The following N4BP1 variants were observed in gnomAD, a reference collection of about 807,000 sequenced individuals.
The protein encoded by N4BP1 is NEDD4-binding protein 1.
In N4BP1, 21 loss-of-function variants were observed where a neutral mutation model predicts 70.9. That is an observed-to-expected ratio of 0.30 (90% CI 0.21 to 0.43). The LOEUF (loss-of-function observed/expected upper bound fraction) is 0.43, where lower values mean the gene tolerates loss of function less well. N4BP1 is among the 20% of genes least tolerant of loss of function. The pLI is 1.00. For missense variants in N4BP1, 936 were observed against 1,069.4 expected, an observed-to-expected ratio of 0.88 and a Z score of 1.74; for synonymous variants, 387 against 394.6, an observed-to-expected ratio of 0.98 and a Z score of 0.23.
chr16:48,567,865 G>C (rs949183220), intron 1 of N4BP1, among the ~76,000 whole-genome samples: 1 of 152,096 alleles, frequency 6.6e-6, no homozygotes, highest in African/African-American at 2.4e-5. Flanking sequence ...AGCTTGTCTG[G>C]AGAATGCCTT....
intron 1 of N4BP1, chr16:48,587,417 T>C (rs898265217): frequency 7.9e-5 from 12 of 152,328 alleles, no homozygotes; most frequent in Middle Eastern, 3.4e-3. Context: ...ATATGAAATA[T>C]AGTTGATTTT....
chr16:48,585,728 C>T (rs1597107234), intron 1 of N4BP1, among the ~76,000 whole-genome samples: 1 of 151,552 alleles, frequency 6.6e-6, no homozygotes, highest in South Asian at 2.1e-4. Context: ...CAAAGTCTCA[C>T]CCTGTTGCCC....
chr16:48,542,872 C>T lies in N4BP1; in HGVS notation c.*32G>A. 6.5e-7 allele frequency: 1 copy of T among 1,545,696 alleles called. No homozygotes were observed. Among genetic ancestry groups the T allele is most frequent in the Admixed American group, 1.7e-5 (1 of 57,362 alleles). Reference sequence around the variant, plus strand: ...GTGAGCTTGAGTTTGATCAGCCAGCCCTGAGCGCAAGCTCAGCGCTCAGCA... The same window carrying T: ...GTGAGCTTGAGTTTGATCAGCCAGCTCTGAGCGCAAGCTCAGCGCTCAGCA... On this transcript the variant is annotated 3_prime_UTR_variant, in exon 7 of 7. Transcript: ENST00000262384.
At chr16:48,600,712 T>G (rs1416185297) in intron 1 of N4BP1, 1 of 360,034 alleles carries the variant, frequency 2.8e-6, no homozygotes, top group Non-Finnish European at 5.4e-6. Context: ...GACTTGGAAC[T>G]GCTAAATTAT....
chr16:48,552,063 G>T (rs1187534067), intron 3 of N4BP1, among the ~76,000 whole-genome samples: 1 of 152,144 alleles, frequency 6.6e-6, no homozygotes, highest in African/African-American at 2.4e-5. Context: ...GACAAAGAGA[G>T]GGATGATAAG....
Position 48,560,625 on chromosome 16 carries a change from C to T in N4BP1, c.1889+129G>A. ...CAACCAGTTGGTTCCCATTCCCCTC[C>T]ACCATCCGACCCTAAGGCTACAGAT... On this transcript the variant is annotated intron_variant, in intron 2 of 6. Transcript: ENST00000262384. 7.2e-6 allele frequency: 9 copies of T among 1,256,766 alleles called. No homozygotes were observed. The South Asian group carries it at 1.1e-4, about 16-fold the overall frequency. 77.9% of individuals were successfully genotyped at this position (1,256,766 alleles called of 1,614,324 possible). A position where few individuals can be genotyped will look rare whatever the true frequency, so the allele number is the denominator to read the frequency against.
chr16:48,588,515 G>A (rs1216440406), intron 1 of N4BP1, among the ~76,000 whole-genome samples: 7 of 152,022 alleles, frequency 4.6e-5, no homozygotes, highest in Admixed American at 2.0e-4. Context: ...GGCTGGTCTC[G>A]AACTCCTGAC....
chr16:48,605,582 C>T (rs1287566528), intron 1 of N4BP1, among the ~76,000 whole-genome samples: 2 of 152,170 alleles, frequency 1.3e-5, no homozygotes, highest in African/African-American at 4.8e-5. Flanking sequence ...GGACAATGCC[C>T]TCTTATAAGG....
At chr16:48,546,322 CA>C in intron 5 of N4BP1, 68 bp from the exon 6 acceptor site, 1 of 1,086,542 alleles carries the variant, frequency 9.2e-7, no homozygotes, top group Non-Finnish European at 1.3e-6. Context: ...GTAAGGATCC[CA>C]AAGCAGCCAC....
rs746465465 is a variant in N4BP1 at position 48,542,720 on chromosome 16, T to C, written c.*184A>G. The C allele has an allele frequency of 1.0e-5, 5 of 491,148 alleles. No individual in the cohort carries two copies. The highest frequency in any genetic ancestry group is 1.8e-5 in the Non-Finnish European group (5 of 281,774). 30.4% of individuals were successfully genotyped at this position (491,148 alleles called of 1,614,324 possible). A position where few individuals can be genotyped will look rare whatever the true frequency, so the allele number is the denominator to read the frequency against. On this transcript the variant is annotated 3_prime_UTR_variant, in exon 7 of 7. Coordinates refer to ENST00000262384, the MANE Select transcript of N4BP1 (RefSeq NM_153029.4). ...GTTAAATCTGTAATAGCAGCATAAT[T>C]TATATATAGAAAAAAGCTGGTTTTG...
chr16:48,602,807 ATAAAT>A (rs1302165733), intron 1 of N4BP1, among the ~76,000 whole-genome samples: 1 of 150,656 alleles, frequency 6.6e-6, no homozygotes, highest in Non-Finnish European at 1.5e-5. Context: ...AAATAAATAA[ATAAAT>A]AAATAAATAA....
chr16:48,554,454 A>C (rs746615663), intron 2 of N4BP1, among the ~76,000 whole-genome samples: 1 of 152,210 alleles, frequency 6.6e-6, no homozygotes, highest in Non-Finnish European at 1.5e-5. Flanking sequence ...ATTTCAACGG[A>C]AAGGAAGAAA....
At chr16:48,589,842 T>A (rs1284690570) in intron 1 of N4BP1, among the ~76,000 whole-genome samples, 1 of 152,226 alleles carries the variant, frequency 6.6e-6, no homozygotes, top group African/African-American at 2.4e-5. Flanking sequence ...CCATCTTGTA[T>A]CTAACCTTTG....
rs1251619387 is a variant in N4BP1, at chr16:48,561,945, T to A, written c.698A>T (p.Gln233Leu). 3.1e-6 allele frequency: 5 copies of A among 1,613,872 alleles called. No individual in the cohort carries two copies. The highest frequency in any genetic ancestry group is 4.2e-6 in the Non-Finnish European group (5 of 1,179,890). Residue 233 changes from glutamine to leucine, a missense_variant, in exon 2 of 7, where the codon CAG becomes CTG. Around this residue, in one of 4 missense-constraint regions of N4BP1, gnomAD observed 515 missense variants for 491.7 expected, o/e 1.05. Transcript: ENST00000262384. ...CCCAGCTTTATTTCTTGCCTCTTCC[T>A]GCAAAACAGTTTCATCTCTAGAAAT... The part of the protein sequence containing the change: ...LNISRDETVL[Q>L]EEARNKAGTP...
chr16:48,545,544 C>T (rs1225974678), intron 6 of N4BP1, among the ~76,000 whole-genome samples: 4 of 151,312 alleles, frequency 2.6e-5, no homozygotes, highest in African/African-American at 9.7e-5. Flanking sequence ...CGCCATTGTA[C>T]TCCAACCTGG....
intron 2 of N4BP1, among the ~76,000 whole-genome samples, 190 bp from the exon 3 acceptor site, chr16:48,553,859 A>G (rs578047520): frequency 3.3e-5 from 5 of 152,216 alleles, no homozygotes; most frequent in African/African-American, 1.2e-4. Flanking sequence ...AGAACTCTTA[A>G]TAGTGTCTTA....
At chr16:48,543,388 A>G in intron 6 of N4BP1, 127 bp from the exon 7 acceptor site, 1 of 739,378 alleles carries the variant, frequency 1.4e-6, no homozygotes, top group Non-Finnish European at 2.1e-6. Context: ...CAAAGGCAGG[A>G]TGCAAGACTG....
At chr16:48,591,871 A>G (rs1358260658) in intron 1 of N4BP1, among the ~76,000 whole-genome samples, 1 of 141,146 alleles carries the variant, frequency 7.1e-6, no homozygotes, top group Admixed American at 7.2e-5. Flanking sequence ...TCAGCTTTAC[A>G]TTATGTTACC....
Position 48,574,169 on chromosome 16 carries a change from A to G in N4BP1, c.199-11725T>C, listed in dbSNP as rs368399499. Among the ~76,000 whole-genome samples the G allele has an allele frequency of 1.2e-3, 185 of 152,334 alleles. 3 individuals are homozygous for G. The South Asian group carries it at 0.038, about 31-fold the overall frequency. On this transcript the variant is annotated intron_variant, in intron 1 of 6. Coordinates refer to ENST00000262384, the MANE Select transcript of N4BP1 (RefSeq NM_153029.4). ...AGCAAGGAACTGCTGCTGTACACAT[A>G]AATCTTTTAGTACTACTTGATTTTC...
Sources: gnomAD v4.1 joint callset for allele counts (sites outside exome capture counted in the v4.1 genomes callset) on GRCh38, gnomAD v4.1.1 for gene constraint, gnomAD v4.1.1 regional missense constraint, MANE v1.5 for transcripts, NCBI Gene and HGNC (gene_info 2026-07-23, HGNC 2026-07-21) for gene names.